Variants in COL13A1 observed in about 807,000 individuals in gnomAD.
COL13A1 encodes the protein collagen alpha-1(XIII) chain.
COL13A1 carries 89 observed loss-of-function variants against 130.9 expected under a neutral mutation model. The observed-to-expected ratio is 0.68, with a 90% CI of 0.57 to 0.81. COL13A1 has a LOEUF of 0.81. COL13A1 is among the 30% of genes least tolerant of loss of function. The probability of loss-of-function intolerance (pLI) is 0.00; values close to 1 mark genes in which losing one functional copy is unlikely to be tolerated. For synonymous variants in COL13A1, 402 were observed against 341.6 expected, an observed-to-expected ratio of 1.18 and a Z score of -1.95; for missense variants, 879 against 934.6, an observed-to-expected ratio of 0.94 and a Z score of 0.78.
intron 16 of COL13A1, 54 bp downstream of exon 16, chr10:69,905,013 G>A: frequency 6.5e-7 from 1 of 1,541,086 alleles, no homozygotes; most frequent in East Asian, 2.4e-5. Flanking sequence ...CCCTGCAGGA[G>A]GGAGGGGGAG....
chr10:69,895,822 T>C (rs768970812), intron 13 of COL13A1, among the ~76,000 whole-genome samples: 1 of 152,184 alleles, frequency 6.6e-6, no homozygotes, highest in Non-Finnish European at 1.5e-5. Context: ...TGCGTGTCTG[T>C]ACATCCGCCC....
At position 69,802,300 on chromosome 10, in the gene COL13A1, G is replaced by C. The variant is rs534181131; in HGVS notation, c.-124G>C. 5 of 1,147,046 alleles carry C rather than the reference G, an allele frequency of 4.4e-6. No homozygotes were observed. The African/African-American group carries it at 6.6e-5, about 15-fold the overall frequency. 71.1% of individuals were successfully genotyped at this position (1,147,046 alleles called of 1,614,324 possible). On this transcript the variant is annotated 5_prime_UTR_variant, in exon 1 of 41. Transcript: ENST00000645393. Reference sequence around the variant, plus strand: ...TCCTCTTTGCCGGGAGCAGCGGAAAGGGACGTTTTCCAGCGATACAAGCCC... The same window carrying C: ...TCCTCTTTGCCGGGAGCAGCGGAAACGGACGTTTTCCAGCGATACAAGCCC...
chr10:69,872,548 C>A (rs1344809421), intron 4 of COL13A1, among the ~76,000 whole-genome samples: 1 of 152,234 alleles, frequency 6.6e-6, no homozygotes, highest in Non-Finnish European at 1.5e-5. Flanking sequence ...AGCCCACTGG[C>A]ACACTGACTA....
intron 17 of COL13A1, 99 bp from the exon 18 acceptor site, chr10:69,917,190 C>A: frequency 6.8e-7 from 1 of 1,466,952 alleles, no homozygotes; most frequent in East Asian, 2.4e-5. Context: ...ACCGGACAGC[C>A]ATCCCAGCCT....
intron 1 of COL13A1, among the ~76,000 whole-genome samples, chr10:69,818,256 C>T (rs1271040091): frequency 6.6e-6 from 1 of 152,216 alleles, no homozygotes; most frequent in African/African-American, 2.4e-5. Flanking sequence ...TTCTTCCTCC[C>T]ACATCTCTCC....
intron 17 of COL13A1, among the ~76,000 whole-genome samples, chr10:69,912,116 G>A (rs2135399884): frequency 6.6e-6 from 1 of 152,326 alleles, no homozygotes; most frequent in African/African-American, 2.4e-5. Context: ...ACCTTGTGGA[G>A]ACTAAAGCGA....
Position 69,820,173 on chromosome 10 carries a change from A to G in COL13A1, c.295-2196A>G, listed in dbSNP as rs1364838404. Among the ~76,000 whole-genome samples, 114 of 152,216 alleles carry G rather than the reference A, an allele frequency of 7.5e-4. 1 individual carries two copies. Among genetic ancestry groups the G allele is most frequent in the Non-Finnish European group, 1.2e-4 (8 of 68,016 alleles). On this transcript the variant is annotated intron_variant, in intron 1 of 40. Coordinates refer to ENST00000645393, the MANE Select transcript of COL13A1 (RefSeq NM_001368882.1). Reference sequence around the variant, plus strand: ...CTTTATTTTTCTCCCAGCATTTATCACTGCCTGTTACACATTTTTTGTTTT... The same window carrying G: ...CTTTATTTTTCTCCCAGCATTTATCGCTGCCTGTTACACATTTTTTGTTTT...
intron 38 of COL13A1, 70 bp from the exon 39 acceptor site, chr10:69,952,812 C>T: frequency 9.2e-7 from 1 of 1,083,608 alleles, no homozygotes; most frequent in Non-Finnish European, 1.3e-6. Flanking sequence ...CTTTTTCTGT[C>T]TTCAACCTTA....
chr10:69,826,579 G>A (rs1291057004), intron 2 of COL13A1, among the ~76,000 whole-genome samples: 4 of 152,188 alleles, frequency 2.6e-5, no homozygotes, highest in African/African-American at 9.7e-5. Context: ...AAGTGCCCAG[G>A]AGCCAAAGGA....
intron 1 of COL13A1, among the ~76,000 whole-genome samples, chr10:69,819,529 A>G (rs1044062368): frequency 3.9e-5 from 6 of 152,154 alleles, no homozygotes; most frequent in Admixed American, 6.5e-5. Flanking sequence ...AGTCAGTCCA[A>G]TTTGAGGCAG....
intron 2 of COL13A1, among the ~76,000 whole-genome samples, chr10:69,845,196 T>TTTTCTTTTCTTTTTC (rs1491270125): frequency 2.9e-4 from 2 of 6,942 alleles, no homozygotes; most frequent in Non-Finnish European, 1.7e-3. Context: ...TTTCTTTTTC[T>TTTTCTTTTCTTTTTC]TTTTTTTTTT....
chr10:69,922,727 G>A lies in COL13A1; in HGVS notation c.1163G>A (p.Gly388Asp). 1 of 1,606,922 alleles carries A rather than the reference G, an allele frequency of 6.2e-7. No homozygotes were observed. The highest frequency in any genetic ancestry group is 1.1e-5 in the South Asian group (1 of 89,030). The change falls in exon 23 of 41, where the codon GGC (glycine) becomes GAC (aspartate). Residue 388 changes from glycine to aspartate, a missense_variant. Physicochemically the swap from Gly to Asp is moderately conservative, Grantham distance 94. Around this residue, in one of 3 missense-constraint regions of COL13A1, gnomAD observed 715 missense variants for 721.0 expected, o/e 0.99. Coordinates refer to ENST00000645393, the MANE Select transcript of COL13A1 (RefSeq NM_001368882.1). ...CCCCAGGGAGAGAAAGGCGATGCTG[G>A]CAACTCCATTGGAGGAGGCAGAGGG... ...LGQKGEKGDAGNSIGGGRGEP... is the reference protein window; with the variant it reads ...LGQKGEKGDADNSIGGGRGEP...
At chr10:69,806,795 T>C (rs1001502193) in intron 1 of COL13A1, among the ~76,000 whole-genome samples, 1 of 152,064 alleles carries the variant, frequency 6.6e-6, no homozygotes, top group Non-Finnish European at 1.5e-5. Flanking sequence ...TCACCTGAGG[T>C]CAGGAATTCA....
At chr10:69,946,935 C>T (rs1315562472) in intron 37 of COL13A1, among the ~76,000 whole-genome samples, 2 of 152,150 alleles carry the variant, frequency 1.3e-5, no homozygotes, top group African/African-American at 2.4e-5. Flanking sequence ...CTACAGGTGC[C>T]CACCACCACG....
chr10:69,918,292 C>T lies in COL13A1; in HGVS notation c.974C>T (p.Pro325Leu). Residue 325 changes from proline to leucine, a missense_variant, in exon 19 of 41, where the codon CCC (proline) becomes CTC (leucine). Physicochemically the swap from Pro to Leu is moderately conservative, Grantham distance 98 (BLOSUM62 -3). Around this residue, in one of 3 missense-constraint regions of COL13A1, gnomAD observed 715 missense variants for 721.0 expected, o/e 0.99. Coordinates refer to ENST00000645393, the MANE Select transcript of COL13A1 (RefSeq NM_001368882.1). ...MPGKHGAKGAPGIAVAGMKGE... is the reference protein window; with the variant it reads ...MPGKHGAKGALGIAVAGMKGE... ...TTTTTCTCTCTCTGCCAGGGGGCGCCCGGAATTGCCGTGGCTGGGATGAAG... is the reference window on the plus strand; with the variant it reads ...TTTTTCTCTCTCTGCCAGGGGGCGCTCGGAATTGCCGTGGCTGGGATGAAG... 6.2e-7 allele frequency: 1 copy of T among 1,612,982 alleles called. No individual in the cohort carries two copies. Among genetic ancestry groups the T allele is most frequent in the Non-Finnish European group, 8.5e-7 (1 of 1,179,566 alleles).
chr10:69,812,380 C>A (rs1398776474), intron 1 of COL13A1, among the ~76,000 whole-genome samples: 1 of 152,208 alleles, frequency 6.6e-6, no homozygotes, highest in East Asian at 1.9e-4. Context: ...TAGGTTATAC[C>A]TCTGTAAAAT....
rs960357298 is a variant in COL13A1, at chr10:69,872,036, G to A, written c.373-148G>A. 46 of 870,996 alleles carry A rather than the reference G, an allele frequency of 5.3e-5. 1 individual carries two copies. The highest frequency in any genetic ancestry group is 4.4e-4 in the Middle Eastern group (2 of 4,514). 54.0% of individuals were successfully genotyped at this position (870,996 alleles called of 1,614,324 possible). ...GGAAGGAAGCTTTATAAGCCTTAGC[G>A]ATCAAGGCTCCCCCTTCGTTTTGTT... On this transcript the variant is annotated intron_variant, in intron 3 of 40. Transcript: ENST00000645393.
At chr10:69,941,264 G>C (rs2067594498) in intron 35 of COL13A1, among the ~76,000 whole-genome samples, 1 of 152,192 alleles carries the variant, frequency 6.6e-6, no homozygotes, top group Non-Finnish European at 1.5e-5. Context: ...AAACCTGCCA[G>C]GTGTGGGGTG....
At chr10:69,921,678 T>C (rs1347112095) in intron 21 of COL13A1, among the ~76,000 whole-genome samples, 1 of 152,102 alleles carries the variant, frequency 6.6e-6, no homozygotes, top group Non-Finnish European at 1.5e-5. Context: ...GTCATGCAGG[T>C]GTCACCAACG....
Sources: gnomAD v4.1 joint callset for allele counts (sites outside exome capture counted in the v4.1 genomes callset) on GRCh38, gnomAD v4.1.1 for gene constraint, gnomAD v4.1.1 regional missense constraint, MANE v1.5 for transcripts, NCBI Gene and HGNC (gene_info 2026-07-23, HGNC 2026-07-21) for gene names.